Variants in ERBB4 observed in about 807,000 individuals in gnomAD.
ERBB4 encodes the protein erb-b2 receptor tyrosine kinase 4, also known as receptor tyrosine-protein kinase erbB-4.
A neutral mutation model predicts 158.0 loss-of-function variants in ERBB4; 42 were observed. The observed-to-expected ratio is 0.27, with a 90% CI of 0.21 to 0.34. The LOEUF (loss-of-function observed/expected upper bound fraction) is 0.34. ERBB4 is among the 10% of genes least tolerant of loss of function. The pLI is 1.00. For synonymous variants in ERBB4, 583 were observed against 558.7 expected (o/e 1.04, Z -0.61); for missense variants, 1,333 against 1,624.1 (o/e 0.82, Z 3.08).
In ERBB4 at chr2:211,382,741, A is replaced by C. The variant is rs2062594400; in HGVS notation, c.*874T>G. 4.3e-6 allele frequency: 1 copy of C among 232,582 alleles called. No homozygotes were observed. Among genetic ancestry groups the C allele is most frequent in the African/African-American group, 2.2e-5 (1 of 45,310 alleles). 14.4% of individuals were successfully genotyped at this position (232,582 alleles called of 1,614,324 possible). On this transcript the variant is annotated 3_prime_UTR_variant, in exon 28 of 28. Transcript: ENST00000342788. Reference sequence around the variant, plus strand: ...TTATGGAGAAAAAAAAATGTTGAAAAATGTAAAGGATGAGGGTGAAGATAA... The same window carrying C: ...TTATGGAGAAAAAAAAATGTTGAAACATGTAAAGGATGAGGGTGAAGATAA...
chr2:212,344,455 C>T (rs1490194500), intron 1 of ERBB4, among the ~76,000 whole-genome samples: 1 of 144,524 alleles, frequency 6.9e-6, no homozygotes, highest in African/African-American at 2.7e-5. Flanking sequence ...AGATAGCTAC[C>T]ATATATATGT....
In ERBB4 at chr2:211,431,061, C is replaced by T. The variant is rs751446160; in HGVS notation, c.2527G>A (p.Asp843Asn). The T allele has an allele frequency of 1.9e-6, 3 of 1,613,824 alleles. No individual in the cohort carries two copies. The highest frequency in any genetic ancestry group is 2.5e-6 in the Non-Finnish European group (3 of 1,179,886). ...YLEERRLVHRDLAARNVLVKS... is the reference protein window; with the variant it reads ...YLEERRLVHRNLAARNVLVKS... ...ACTAAGACATTACGGGCTGCCAAAT[C>T]CCGATGAACGAGTCGTCTTTCTTCC... Residue 843 changes from aspartate to asparagine, a missense_variant, in exon 21 of 28, where the codon GAT becomes AAT. Physicochemically the swap from Asp to Asn is conservative, Grantham distance 23. Coordinates refer to ENST00000342788, the MANE Select transcript of ERBB4 (RefSeq NM_005235.3).
rs1422586547 is a variant in ERBB4 at position 211,511,606 on chromosome 2, TC to T, written c.2487+50296del. ...AATTTTCTTTAAAGCAGTATGCTTT[TC>T]AGATAAGCAAAATTGTTGTACATTG... On this transcript the variant is annotated intron_variant, in intron 20 of 27. Transcript: ENST00000342788. Among the ~76,000 whole-genome samples the T allele has an allele frequency of 2.0e-5, 3 of 152,100 alleles. No homozygotes were observed. The East Asian group carries it at 5.8e-4, about 29-fold the overall frequency.
chr2:211,966,881 G>C (rs2081324643), intron 2 of ERBB4, among the ~76,000 whole-genome samples: 2 of 152,170 alleles, frequency 1.3e-5, no homozygotes, highest in African/African-American at 2.4e-5. Flanking sequence ...CCCAAGTTGT[G>C]TATAATTTTA....
intron 1 of ERBB4, among the ~76,000 whole-genome samples, chr2:212,536,541 C>T (rs1229330102): frequency 6.6e-6 from 1 of 152,166 alleles, no homozygotes; most frequent in Admixed American, 6.5e-5. Flanking sequence ...AATCCTCGCG[C>T]TCTAAATGGG....
rs144724721 is a variant in ERBB4 at position 211,561,578 on chromosome 2, A to G, written c.2487+325T>C. On this transcript the variant is annotated intron_variant, in intron 20 of 27. Transcript: ENST00000342788. ...AGACATTCAACCCTTTCTTTCTTGG[A>G]TTTTATTAGTTAACTAGACTATACC... Among the ~76,000 whole-genome samples, 115 of 152,320 alleles carry G rather than the reference A, an allele frequency of 7.5e-4. 1 individual carries two copies. The East Asian group carries it at 0.022, about 29-fold the overall frequency.
chr2:211,954,118 A>G (rs2080961694), intron 2 of ERBB4, among the ~76,000 whole-genome samples: 1 of 151,950 alleles, frequency 6.6e-6, no homozygotes, highest in Non-Finnish European at 1.5e-5. Flanking sequence ...TCTGTATTTG[A>G]TATAAATCCC....
chr2:212,457,406 T>C (rs375515188), intron 1 of ERBB4, among the ~76,000 whole-genome samples: 5 of 152,040 alleles, frequency 3.3e-5, no homozygotes, highest in Non-Finnish European at 5.9e-5. Context: ...CTTTACAGAC[T>C]GTTCCAAATT....
chr2:211,744,366 T>C (rs1412897607), intron 5 of ERBB4, among the ~76,000 whole-genome samples: 1 of 152,246 alleles, frequency 6.6e-6, no homozygotes, highest in Non-Finnish European at 1.5e-5. Flanking sequence ...TAGGTTTGCA[T>C]AGCCAACTGT....
chr2:211,826,645 G>A (rs2077105995), intron 3 of ERBB4, among the ~76,000 whole-genome samples: 1 of 151,834 alleles, frequency 6.6e-6, no homozygotes, highest in African/African-American at 2.4e-5. Flanking sequence ...GAATGGATAG[G>A]CCTGACTTTG....
At chr2:211,712,859 GT>G (rs2073755209) in intron 8 of ERBB4, among the ~76,000 whole-genome samples, 2 of 152,002 alleles carry the variant, frequency 1.3e-5, no homozygotes, top group Admixed American at 6.6e-5. Context: ...CTAAAAGTAA[GT>G]GTGGAGTTTG....
At chr2:211,701,499 G>A (rs1164028787) in intron 12 of ERBB4, among the ~76,000 whole-genome samples, 1 of 152,110 alleles carries the variant, frequency 6.6e-6, no homozygotes, top group Non-Finnish European at 1.5e-5. Context: ...GCTCATGCCT[G>A]TAATCCCAGC....
At chr2:211,628,920 G>T (rs1447284546) in intron 17 of ERBB4, among the ~76,000 whole-genome samples, 2 of 152,190 alleles carry the variant, frequency 1.3e-5, no homozygotes, top group Non-Finnish European at 2.9e-5. Flanking sequence ...CTGATGGCCA[G>T]TGATGATGAG....
chr2:211,674,698 A>C (rs1017219348), intron 13 of ERBB4, among the ~76,000 whole-genome samples: 1 of 152,290 alleles, frequency 6.6e-6, no homozygotes. Flanking sequence ...TAAAAGTCCA[A>C]ATGAATTGGT....
At chr2:212,526,465 T>G (rs1432201632) in intron 1 of ERBB4, among the ~76,000 whole-genome samples, 1 of 152,100 alleles carries the variant, frequency 6.6e-6, no homozygotes, top group Non-Finnish European at 1.5e-5. Context: ...AAGAATTATA[T>G]CTGAATACCA....
chr2:211,647,634 G>A (rs953751578), intron 16 of ERBB4, among the ~76,000 whole-genome samples: 2 of 151,554 alleles, frequency 1.3e-5, no homozygotes, highest in African/African-American at 4.8e-5. Context: ...TAATCACTAA[G>A]TATGGTATTA....
intron 1 of ERBB4, among the ~76,000 whole-genome samples, chr2:212,144,263 T>G (rs910086264): frequency 6.6e-6 from 1 of 152,192 alleles, no homozygotes; most frequent in Admixed American, 6.5e-5. Context: ...GTGTTAAATA[T>G]TACTAATTCT....
At position 211,384,039 on chromosome 2, in the gene ERBB4, T is replaced by C. The variant is rs746481399; in HGVS notation, c.3503A>G (p.Glu1168Gly). The C allele has an allele frequency of 6.2e-7, 1 of 1,613,394 alleles. No individual in the cohort carries two copies. The highest frequency in any genetic ancestry group is 8.5e-7 in the Non-Finnish European group (1 of 1,179,366). The change falls in exon 28 of 28, where the codon GAG becomes GGG. Residue 1168 changes from glutamate (E) to glycine (G), a missense_variant. This residue lies in a region of ERBB4 where 252 missense variants were observed against 241.3 expected (regional missense o/e 1.04). Transcript: ENST00000342788. ...TTTTCTCCGAGAAACAAAAGGGTTCTCCTCCACTGGATTCAGGTATTCTAA... is the reference window on the plus strand; with the variant it reads ...TTTTCTCCGAGAAACAAAAGGGTTCCCCTCCACTGGATTCAGGTATTCTAA... The part of the protein sequence containing the change: ...PKQEYLNPVE[E>G]NPFVSRRKNG...
intron 3 of ERBB4, among the ~76,000 whole-genome samples, chr2:211,815,630 T>C (rs889491455): frequency 2.6e-5 from 4 of 152,190 alleles, no homozygotes; most frequent in Non-Finnish European, 4.4e-5. Flanking sequence ...GTGTATGTGA[T>C]AGTTAATATT....
Sources: allele counts gnomAD v4.1 joint callset (sites outside exome capture counted in the v4.1 genomes callset), GRCh38; gene constraint gnomAD v4.1.1; regional missense constraint gnomAD v4.1.1; transcripts MANE v1.5; gene names NCBI Gene and HGNC (gene_info 2026-07-23, HGNC 2026-07-21).